CARD14: variants seen among roughly 807,000 people sequenced by gnomAD.
CARD14 encodes the protein caspase recruitment domain family member 14.
In CARD14, 107 loss-of-function variants were observed where a neutral mutation model predicts 111.5. The observed-to-expected ratio is 0.96, with a 90% CI of 0.82 to 1.13. The LOEUF is 1.13. Among genes scored for constraint, CARD14 ranks in the 50% most tolerant of loss-of-function variants. CARD14 has a pLI of 0.00. For synonymous variants in CARD14, 617 were observed against 579.6 expected (o/e 1.06, Z -0.93); for missense variants, 1,322 against 1,362.3 (o/e 0.97, Z 0.47).
At chr17:80,194,967 G>A (rs999358991) in intron 12 of CARD14, among the ~76,000 whole-genome samples, 3 of 152,218 alleles carry the variant, frequency 2.0e-5, no homozygotes, top group African/African-American at 7.2e-5. Context: ...AATAGAGCCT[G>A]ACATACAGCA....
Position 80,188,266 on chromosome 17 carries a change from C to A in CARD14, c.676-111C>A. 2 of 1,122,588 alleles carry A rather than the reference C, an allele frequency of 1.8e-6. No individual in the cohort carries two copies. The highest frequency in any genetic ancestry group is 2.0e-5 in the South Asian group (1 of 50,362). 69.5% of individuals were successfully genotyped at this position (1,122,588 alleles called of 1,614,324 possible). ...GGTTTTTCAGTCTCGAGGCAGGAAG[C>A]CCCCTGAGTGCTAAAAGCATCATTA... On this transcript the variant is annotated intron_variant, in intron 7 of 23. Transcript: ENST00000648509. This position sits in a 1 kb window ranked among gnomAD's most constrained non-coding sequence, Gnocchi z 4.5.
Position 80,182,129 on chromosome 17 carries a change from A to G in CARD14, c.211+480A>G, listed in dbSNP as rs545265011. On this transcript the variant is annotated intron_variant, in intron 5 of 23. Coordinates refer to ENST00000648509, the MANE Select transcript of CARD14 (RefSeq NM_001366385.1). The surrounding 1 kb of genome is among the most constrained non-coding windows in gnomAD (Gnocchi z 4.7). ...CATGCATGTTGGCGTACGAACCCCA[A>G]ACACAGGAGAGATTGATGCACGCTG... 6.6e-5 allele frequency among the ~76,000 whole-genome samples: 10 copies of G among 152,324 alleles called. No homozygotes were observed. The highest frequency in any genetic ancestry group is 1.7e-4 in the African/African-American group (7 of 41,574).
intron 9 of CARD14, among the ~76,000 whole-genome samples, chr17:80,190,506 G>A (rs1280993290): frequency 6.6e-6 from 1 of 151,896 alleles, no homozygotes; most frequent in Non-Finnish European, 1.5e-5. Flanking sequence ...CCAGCTACTA[G>A]GGAGACTGAG....
intron 7 of CARD14, among the ~76,000 whole-genome samples, chr17:80,185,372 C>T (rs1274999664): frequency 6.6e-6 from 1 of 152,138 alleles, no homozygotes; most frequent in Non-Finnish European, 1.5e-5. Context: ...TTAATCATGA[C>T]ATTTGTTGTT....
chr17:80,179,796 C>T (rs938187996), intron 4 of CARD14, among the ~76,000 whole-genome samples: 13 of 152,134 alleles, frequency 8.5e-5, no homozygotes, highest in Non-Finnish European at 1.6e-4. Context: ...CACGCTACTG[C>T]GTTCCAGCCT....
At position 80,182,852 on chromosome 17, in the gene CARD14, C is replaced by T; in HGVS notation, c.349+62C>T. On this transcript the variant is annotated intron_variant, in intron 6 of 23. Transcript: ENST00000648509. The surrounding 1 kb of genome is among the most constrained non-coding windows in gnomAD (Gnocchi z 4.7). ...CTAGGAACCTCAGGCTCCTGGTAAC[C>T]CCAGGTGCCCCGCTTACTTGCCGAT... is the stretch of plus-strand genomic sequence containing the variant. 6.3e-7 allele frequency: 1 copy of T among 1,591,238 alleles called. No homozygotes were observed. Among genetic ancestry groups the T allele is most frequent in the East Asian group, 2.2e-5 (1 of 44,586 alleles).
At chr17:80,175,901 A>ATGAGAGAG (rs2040012537) in intron 2 of CARD14, among the ~76,000 whole-genome samples, 1 of 134,720 alleles carries the variant, frequency 7.4e-6, no homozygotes, top group South Asian at 2.8e-4. Flanking sequence ...CCTGGCAGGG[A>ATGAGAGAG]TGAGAGAGGG....
Position 80,201,896 on chromosome 17 carries a change from C to T in CARD14, c.1978+26C>T, listed in dbSNP as rs904357449. 1.9e-6 allele frequency: 3 copies of T among 1,590,362 alleles called. No homozygotes were observed. Among genetic ancestry groups the T allele is most frequent in the Non-Finnish European group, 1.7e-6 (2 of 1,166,460 alleles). Reference sequence around the variant, plus strand: ...GTACACATACCACTCCTCTCGTGTGCACAGCTGCCTGGCCAGACTCCATGA... The same window carrying T: ...GTACACATACCACTCCTCTCGTGTGTACAGCTGCCTGGCCAGACTCCATGA... On this transcript the variant is annotated intron_variant, in intron 17 of 23. Transcript: ENST00000648509. This position sits in a 1 kb window ranked among gnomAD's most constrained non-coding sequence, Gnocchi z 5.0.
chr17:80,174,981 CTT>C (rs1192660785), intron 2 of CARD14, among the ~76,000 whole-genome samples: 2 of 146,368 alleles, frequency 1.4e-5, no homozygotes, highest in Admixed American at 6.9e-5. Context: ...TTCTTTCTTT[CTT>C]TTTTTTTTTT....
In CARD14 at chr17:80,205,135, G is replaced by A. The variant is rs973534536; in HGVS notation, c.2499G>A (p.Val833=). ...CCCGGCCCCGGCCTGTGCTCCTCGTGCCCAGGGCGGTTGGGAAGATCCTGA... is the reference window on the plus strand; with the variant it reads ...CCCGGCCCCGGCCTGTGCTCCTCGTACCCAGGGCGGTTGGGAAGATCCTGA... ...RPARPRPVLL[V]PRAVGKILSE... is the part of the protein sequence containing the mutation. Residue 833 remains valine (V), a synonymous_variant, in exon 21 of 24, where the codon GTG becomes GTA. Transcript: ENST00000648509. The A allele has an allele frequency of 1.2e-6, 2 of 1,613,634 alleles. No homozygotes were observed. The highest frequency in any genetic ancestry group is 2.7e-5 in the African/African-American group (2 of 74,922).
chr17:80,188,296 G>A lies in CARD14; in HGVS notation c.676-81G>A, dbSNP rs2040409530. 2 of 1,407,976 alleles carry A rather than the reference G, an allele frequency of 1.4e-6. No individual in the cohort carries two copies. The highest frequency in any genetic ancestry group is 1.9e-6 in the Non-Finnish European group (2 of 1,052,992). 87.2% of individuals were successfully genotyped at this position (1,407,976 alleles called of 1,614,324 possible). ...TGAGTGCTAAAAGCATCATTAGGAG[G>A]AAGGGTGAGAAATGCCCCCAGCTCC... On this transcript the variant is annotated intron_variant, in intron 7 of 23. Transcript: ENST00000648509. The surrounding 1 kb of genome is among the most constrained non-coding windows in gnomAD (Gnocchi z 4.5).
At chr17:80,177,914 T>C (rs752689547) in intron 2 of CARD14, among the ~76,000 whole-genome samples, 3 of 152,094 alleles carry the variant, frequency 2.0e-5, no homozygotes, top group Non-Finnish European at 2.9e-5. Context: ...CTTGATTACG[T>C]TGGCAGAGAC....
intron 2 of CARD14, among the ~76,000 whole-genome samples, chr17:80,176,012 G>T (rs2144099355): frequency 9.4e-6 from 1 of 106,634 alleles, no homozygotes; most frequent in Non-Finnish European, 1.7e-5. Context: ...ATCGTGCTAT[G>T]TTGCTAGGCT....
At chr17:80,204,471 T>G in intron 20 of CARD14, 130 bp downstream of exon 20, 2 of 882,796 alleles carry the variant, frequency 2.3e-6, no homozygotes, top group Non-Finnish European at 3.4e-6. Flanking sequence ...TCTTCAAGAA[T>G]CATGGGGCTG....
At chr17:80,179,943 T>C (rs371173193) in intron 4 of CARD14, among the ~76,000 whole-genome samples, 1 of 152,156 alleles carries the variant, frequency 6.6e-6, no homozygotes. Context: ...AAAAGAAACC[T>C]GAAGTGCAGA....
chr17:80,199,011 C>A, intron 16 of CARD14: 1 of 747,062 alleles, frequency 1.3e-6, no homozygotes, highest in Non-Finnish European at 1.7e-6. Context: ...TGCTGCGGTG[C>A]GATCACAGCT....
At chr17:80,204,598 T>C in intron 20 of CARD14, 1 of 392,276 alleles carries the variant, frequency 2.5e-6, no homozygotes, top group Non-Finnish European at 4.6e-6. Context: ...CACTCCAGCC[T>C]GGGCAATAAG....
At chr17:80,173,543 T>C (rs904435567) in intron 2 of CARD14, among the ~76,000 whole-genome samples, 5 of 152,172 alleles carry the variant, frequency 3.3e-5, no homozygotes, top group African/African-American at 1.2e-4. Flanking sequence ...TTATTTTTAT[T>C]TTTTATGTAC....
In CARD14 at chr17:80,182,873, C is replaced by A. The variant is rs1199210229; in HGVS notation, c.349+83C>A. 31 of 1,530,726 alleles carry A rather than the reference C, an allele frequency of 2.0e-5. No homozygotes were observed. Among genetic ancestry groups the A allele is most frequent in the Non-Finnish European group, 2.7e-5 (30 of 1,116,078 alleles). 94.8% of individuals were successfully genotyped at this position (1,530,726 alleles called of 1,614,324 possible). A position where few individuals can be genotyped will look rare whatever the true frequency, so the allele number is the denominator to read the frequency against. The stretch of plus-strand genomic sequence containing the variant: ...TAACCCCAGGTGCCCCGCTTACTTG[C>A]CGATTTGCCCTACTCCCCCTTCCCT... On this transcript the variant is annotated intron_variant, in intron 6 of 23. Coordinates refer to ENST00000648509, the MANE Select transcript of CARD14 (RefSeq NM_001366385.1). This position sits in a 1 kb window ranked among gnomAD's most constrained non-coding sequence, Gnocchi z 4.7.
Sources: allele counts gnomAD v4.1 joint callset (sites outside exome capture counted in the v4.1 genomes callset), GRCh38; gene constraint gnomAD v4.1.1; non-coding constraint Gnocchi (gnomAD v3.1); transcripts MANE v1.5; gene names NCBI Gene and HGNC (gene_info 2026-07-23, HGNC 2026-07-21).